The following ULK4 variants were observed in gnomAD, a reference collection of about 807,000 sequenced individuals.
The protein encoded by ULK4 is unc-51 like kinase 4.
ULK4 carries 133 observed loss-of-function variants against 160.6 expected under a neutral mutation model. The ratio of observed to expected loss-of-function variants is 0.83; its 90% CI spans 0.72 to 0.96. The LOEUF (loss-of-function observed/expected upper bound fraction) is 0.96. ULK4 is among the 40% of genes least tolerant of loss of function. The pLI is 0.00. For synonymous variants in ULK4, 534 were observed against 539.8 expected (o/e 0.99, Z 0.15); for missense variants, 1,580 against 1,499.5 (o/e 1.05, Z -0.89).
intron 32 of ULK4, among the ~76,000 whole-genome samples, chr3:41,494,665 G>A (rs2084920637): frequency 2.0e-5 from 3 of 152,294 alleles, no homozygotes; most frequent in Admixed American, 2.0e-4. Flanking sequence ...CGACATGATT[G>A]TGTATCTAGA....
At chr3:41,630,093 G>C (rs2033684553) in intron 30 of ULK4, among the ~76,000 whole-genome samples, 1 of 152,174 alleles carries the variant, frequency 6.6e-6, no homozygotes, top group Admixed American at 6.5e-5. Context: ...ATGGGGCCTT[G>C]TATTAGTTTT....
intron 34 of ULK4, among the ~76,000 whole-genome samples, chr3:41,439,054 A>C (rs1001314367): frequency 6.6e-6 from 1 of 152,052 alleles, no homozygotes; most frequent in African/African-American, 2.4e-5. Context: ...TGGCAAGACA[A>C]AAGCCAGCCA....
intron 21 of ULK4, among the ~76,000 whole-genome samples, chr3:41,754,995 AAC>A (rs2038751782): frequency 6.6e-6 from 1 of 152,226 alleles, no homozygotes; most frequent in Admixed American, 6.5e-5. Context: ...ATACTCCTAT[AAC>A]ACTCTTTAAT....
chr3:41,269,153 T>C (rs945510733), intron 35 of ULK4, among the ~76,000 whole-genome samples: 8 of 152,150 alleles, frequency 5.3e-5, no homozygotes, highest in Admixed American at 2.0e-4. Context: ...TTAGAACATA[T>C]CAGGATTCTG....
At chr3:41,423,834 G>A (rs188934504) in intron 34 of ULK4, among the ~76,000 whole-genome samples, 74 of 152,298 alleles carry the variant, frequency 4.9e-4, no homozygotes, top group Non-Finnish European at 8.2e-4. Flanking sequence ...TACCCTGCCC[G>A]GGAAACCATG....
chr3:41,826,587 T>C (rs1174249221), intron 18 of ULK4, among the ~76,000 whole-genome samples: 1 of 145,914 alleles, frequency 6.9e-6, no homozygotes, highest in Non-Finnish European at 1.5e-5. Flanking sequence ...GGTAAAGGGA[T>C]CAATTCAACA....
chr3:41,526,832 G>A (rs940354451), intron 32 of ULK4, among the ~76,000 whole-genome samples: 6 of 152,100 alleles, frequency 3.9e-5, no homozygotes, highest in Admixed American at 6.5e-5. Flanking sequence ...CCTTGAAGAT[G>A]GAATTGTGTT....
At position 41,562,919 on chromosome 3, in the gene ULK4, AT is replaced by A. The variant is rs1156881517; in HGVS notation, c.3226+3105del. On this transcript the variant is annotated intron_variant, in intron 32 of 36. Transcript: ENST00000301831. ...CCTGTCATTAGGATGTTAGCTGGTT[AT>A]TTTGCTCGTTAATTGATGTAATTTC... Among the ~76,000 whole-genome samples, 3 of 152,230 alleles carry A rather than the reference AT, an allele frequency of 2.0e-5. No homozygotes were observed. In the East Asian group the frequency reaches 5.8e-4, roughly 29 times the overall value.
At chr3:41,648,500 G>GT (rs1422574192) in intron 30 of ULK4, among the ~76,000 whole-genome samples, 1 of 152,150 alleles carries the variant, frequency 6.6e-6, no homozygotes, top group Non-Finnish European at 1.5e-5. Context: ...ATGTAATATA[G>GT]TTTCTAATTA....
At chr3:41,506,727 A>C (rs1247882638) in intron 32 of ULK4, among the ~76,000 whole-genome samples, 16 of 132,538 alleles carry the variant, frequency 1.2e-4, no homozygotes, top group Non-Finnish European at 2.2e-4. Flanking sequence ...GTTATTTTAG[A>C]CCACAGTTCT....
chr3:41,324,768 C>T (rs1032558527), intron 35 of ULK4, among the ~76,000 whole-genome samples: 7 of 152,196 alleles, frequency 4.6e-5, no homozygotes, highest in African/African-American at 1.7e-4. Flanking sequence ...GCATTTTTCT[C>T]TCCTCTCATC....
At chr3:41,718,091 T>C (rs1343296378) in intron 22 of ULK4, among the ~76,000 whole-genome samples, 4 of 152,226 alleles carry the variant, frequency 2.6e-5, no homozygotes, top group Non-Finnish European at 5.9e-5. Flanking sequence ...TGATTCCATT[T>C]GCCTTGGCGA....
intron 35 of ULK4, among the ~76,000 whole-genome samples, chr3:41,276,796 T>A (rs2079236782): frequency 6.6e-6 from 1 of 152,182 alleles, no homozygotes; most frequent in African/African-American, 2.4e-5. Flanking sequence ...ATGAACTACA[T>A]AAAACACATT....
intron 29 of ULK4, among the ~76,000 whole-genome samples, chr3:41,667,690 T>G (rs1323199382): frequency 1.3e-5 from 2 of 152,196 alleles, no homozygotes; most frequent in Non-Finnish European, 2.9e-5. Flanking sequence ...AACAGTACCC[T>G]GTCCAGACAG....
Position 41,353,720 on chromosome 3 carries a change from C to T in ULK4, c.3678+44359G>A, listed in dbSNP as rs1232421300. On this transcript the variant is annotated intron_variant, in intron 35 of 36. Transcript: ENST00000301831. ...ACAATTACTACTACTACTACTACTA[C>T]TACTACTACTACTACTACTACTACT... Among the ~76,000 whole-genome samples, 319 of 149,018 alleles carry T rather than the reference C, an allele frequency of 2.1e-3. 1 individual carries two copies. The highest frequency in any genetic ancestry group is 0.015 in the East Asian group (75 of 5,100).
intron 30 of ULK4, among the ~76,000 whole-genome samples, chr3:41,618,105 C>T (rs937777189): frequency 1.3e-5 from 2 of 152,092 alleles, no homozygotes; most frequent in Admixed American, 1.3e-4. Flanking sequence ...ACAAAGCCTC[C>T]AAGAAATATG....
chr3:41,580,372 A>G (rs1364135287), intron 31 of ULK4, among the ~76,000 whole-genome samples: 2 of 150,306 alleles, frequency 1.3e-5, no homozygotes, highest in African/African-American at 2.5e-5. Context: ...TAAACCAATT[A>G]TTTATTTTTT....
At chr3:41,808,619 A>AT in intron 19 of ULK4, among the ~76,000 whole-genome samples, 1 of 152,354 alleles carries the variant, frequency 6.6e-6, no homozygotes, top group South Asian at 2.1e-4. Flanking sequence ...AGCTAAGATT[A>AT]TTTTTTAAAT....
chr3:41,518,199 G>C (rs947680416), intron 32 of ULK4, among the ~76,000 whole-genome samples: 7 of 152,156 alleles, frequency 4.6e-5, no homozygotes, highest in Non-Finnish European at 1.0e-4. Flanking sequence ...TAGAGAAGAA[G>C]ACTGGATTAA....
Sources: gnomAD v4.1 joint callset for allele counts (sites outside exome capture counted in the v4.1 genomes callset) on GRCh38, gnomAD v4.1.1 for gene constraint, MANE v1.5 for transcripts, NCBI Gene and HGNC (gene_info 2026-07-23, HGNC 2026-07-21) for gene names.